The following RGPD3 variants were observed in gnomAD, a reference collection of about 807,000 sequenced individuals.
RGPD3 encodes the protein RANBP2 like and GRIP domain containing 3, also known as ranBP2-like and GRIP domain-containing protein 3.
Under a neutral mutation model 154.5 loss-of-function variants are expected in RGPD3, and 62 were observed. That is an observed-to-expected ratio of 0.40 (90% CI 0.33 to 0.50). RGPD3 has a LOEUF of 0.50. Among genes scored for constraint, RGPD3 ranks in the 20% least tolerant of loss-of-function variants. The pLI, the probability that RGPD3 is intolerant of heterozygous loss-of-function variation, is 0.59. For missense variants in RGPD3, 919 were observed against 1,716.8 expected, an observed-to-expected ratio of 0.54 and a Z score of 8.21; for synonymous variants, 308 against 607.0, an observed-to-expected ratio of 0.51 and a Z score of 7.24.
At chr2:106,409,871 CTTT>C (rs57602292) in intron 22 of RGPD3, among the ~76,000 whole-genome samples, 11 of 94,440 alleles carry the variant, frequency 1.2e-4, no homozygotes, top group South Asian at 3.9e-4. Flanking sequence ...TTGTAGTTTA[CTTT>C]TTTTTTTTTT....
chr2:106,453,010 ACTATGT>A (rs780102781), intron 4 of RGPD3, 84 bp from the exon 5 acceptor site: 6,244 of 142,198 alleles, frequency 0.044, no homozygotes, highest in Non-Finnish European at 0.056. Flanking sequence ...GCACCATTCC[ACTATGT>A]CTAGTTTTAT....
chr2:106,462,070 G>C (rs975440400), intron 1 of RGPD3, among the ~76,000 whole-genome samples: 1 of 152,070 alleles, frequency 6.6e-6, no homozygotes, highest in African/African-American at 2.4e-5. Flanking sequence ...TTTCAGTAGA[G>C]ATGGGGTTTC....
intron 18 of RGPD3, among the ~76,000 whole-genome samples, chr2:106,429,101 G>A (rs1316141739): frequency 6.6e-6 from 1 of 151,978 alleles, no homozygotes; most frequent in Non-Finnish European, 1.5e-5. Flanking sequence ...AATGCTCATA[G>A]TAATTATGTA....
chr2:106,440,351 T>C (rs1260414003), intron 8 of RGPD3, among the ~76,000 whole-genome samples: 2 of 149,992 alleles, frequency 1.3e-5, no homozygotes, highest in East Asian at 3.9e-4. Context: ...TTAGGTTTGG[T>C]TACCACTACA....
At chr2:106,469,350 G>C (rs1158631401), upstream of RGPD3, among the ~76,000 whole-genome samples, 1 of 151,304 alleles carries the variant, frequency 6.6e-6, no homozygotes, top group Non-Finnish European at 1.5e-5. Flanking sequence ...TTCTAAAAAA[G>C]TTGGAAACCA....
chr2:106,467,533 T>G lies in RGPD3; in HGVS notation c.72+684A>C, dbSNP rs62152542. On this transcript the variant is annotated intron_variant, in intron 1 of 22. Coordinates refer to ENST00000409886, the MANE Select transcript of RGPD3 (RefSeq NM_001144013.2). ...CATCGAGGCCGCCGCTGGGCCGGGT[T>G]GAGGCCGCCGCCTCAACAGAGCGTG... Among the ~76,000 whole-genome samples the G allele has an allele frequency of 1.5e-3, 9 of 5,946 alleles. 3 individuals carry two copies. The highest frequency in any genetic ancestry group is 1.3e-3 in the Non-Finnish European group (4 of 3,018). 3.9% of individuals were successfully genotyped at this position (5,946 alleles called of 152,430 possible).
intron 18 of RGPD3, among the ~76,000 whole-genome samples, chr2:106,426,840 A>C (rs1228389120): frequency 6.6e-6 from 1 of 152,170 alleles, no homozygotes; most frequent in Non-Finnish European, 1.5e-5. Context: ...GAGGTTCCAA[A>C]CAATTGCCTC....
At chr2:106,413,823 A>AT (rs1317131127) in intron 21 of RGPD3, among the ~76,000 whole-genome samples, 1 of 152,130 alleles carries the variant, frequency 6.6e-6, no homozygotes, top group Admixed American at 6.5e-5. Context: ...TATCATGGAA[A>AT]TGGAGTTGAA....
chr2:106,421,757 A>G (rs1676996520), intron 20 of RGPD3, among the ~76,000 whole-genome samples: 1 of 151,730 alleles, frequency 6.6e-6, no homozygotes, highest in Admixed American at 6.6e-5. Flanking sequence ...TGCCGTTGCC[A>G]CTACATGTGA....
rs576812338 is a variant in RGPD3, at chr2:106,468,341, G to C, written c.-53C>G. The C allele has an allele frequency of 1.3e-6, 2 of 1,564,124 alleles. No homozygotes were observed. Among genetic ancestry groups the C allele is most frequent in the Admixed American group, 3.8e-5 (2 of 52,458 alleles). ...CGTGAGACCAGCGCTCAGCCCCGCA[G>C]CAGTCGCCAATTCCAAGAGGAAAGC... On this transcript the variant is annotated 5_prime_UTR_variant, in exon 1 of 23. Coordinates refer to ENST00000409886, the MANE Select transcript of RGPD3 (RefSeq NM_001144013.2).
At chr2:106,433,658 TCTAA>T (rs1223640139) in intron 15 of RGPD3, among the ~76,000 whole-genome samples, 2 of 24,902 alleles carry the variant, frequency 8.0e-5, no homozygotes, top group African/African-American at 1.2e-4. Context: ...ACTGATGTTT[TCTAA>T]CTGATTTTCA....
chr2:106,424,170 C>T lies in RGPD3; in HGVS notation c.3797G>A (p.Ser1266Asn). The T allele has an allele frequency of 1.9e-6, 3 of 1,611,652 alleles. No individual in the cohort carries two copies. The highest frequency in any genetic ancestry group is 2.2e-5 in the South Asian group (2 of 90,948). ...EDALDDSVSSSSVHASPLASS... is the reference protein window; with the variant it reads ...EDALDDSVSSNSVHASPLASS... ...TGCCAATGGAGAAGCATGTACTGAG[C>T]TACTACTGACACTATCATCCAAAGC... is the stretch of plus-strand genomic sequence containing the variant. Residue 1266 changes from serine (S) to asparagine (N), a missense_variant, in exon 20 of 23, where the codon AGC (serine) becomes AAC (asparagine). By Grantham distance (46) the Ser-to-Asn change is conservative. Transcript: ENST00000409886.
chr2:106,442,108 G>T (rs1677766466), intron 7 of RGPD3, among the ~76,000 whole-genome samples: 1 of 104,260 alleles, frequency 9.6e-6, no homozygotes, highest in South Asian at 3.7e-4. Context: ...CTTAAATCCA[G>T]GAGGTCAAGG....
At chr2:106,468,152 C>T in intron 1 of RGPD3, 65 bp downstream of exon 1, 2 of 1,533,936 alleles carry the variant, frequency 1.3e-6, no homozygotes, top group South Asian at 2.4e-5. Flanking sequence ...GAGGCCGCCG[C>T]CGGGCCGGGT....
chr2:106,441,808 G>T (rs1299051477), intron 7 of RGPD3, among the ~76,000 whole-genome samples: 5 of 145,192 alleles, frequency 3.4e-5, no homozygotes, highest in African/African-American at 1.0e-4. Context: ...AGGTTGTAGT[G>T]CGCCGAGACT....
chr2:106,468,079 C>G lies in RGPD3; in HGVS notation c.72+138G>C, dbSNP rs547373414. On this transcript the variant is annotated intron_variant, in intron 1 of 22. Transcript: ENST00000409886. Reference sequence around the variant, plus strand: ...GGCCGCCGCAGGGCCAGGTCGAGGCCGCCGCCTCCACAGAGCGCGCCAGGG... The same window carrying G: ...GGCCGCCGCAGGGCCAGGTCGAGGCGGCCGCCTCCACAGAGCGCGCCAGGG... 12 of 1,131,084 alleles carry G rather than the reference C, an allele frequency of 1.1e-5. No homozygotes were observed. In the Admixed American group the frequency reaches 2.0e-4, roughly 19 times the overall value. 70.1% of individuals were successfully genotyped at this position (1,131,084 alleles called of 1,614,324 possible). A position where few individuals can be genotyped will look rare whatever the true frequency, so the allele number is the denominator to read the frequency against.
chr2:106,438,875 G>A (rs959438397), intron 9 of RGPD3, 93 bp downstream of exon 9: 1 of 134,578 alleles, frequency 7.4e-6, no homozygotes, highest in African/African-American at 4.0e-5. Context: ...AGGAATACAG[G>A]AAAATATTAA....
rs561169138 is a variant in RGPD3 at position 106,436,322 on chromosome 2, G to A, written c.1635-76C>T. On this transcript the variant is annotated intron_variant, in intron 11 of 22. Transcript: ENST00000409886. ...CGCTTACATACATATATGTTAATGGGTCACATGACAAATTAAATCTTCACA... is the reference window on the plus strand; with the variant it reads ...CGCTTACATACATATATGTTAATGGATCACATGACAAATTAAATCTTCACA... The A allele has an allele frequency of 2.2e-5, 36 of 1,610,538 alleles. No individual in the cohort carries two copies. The South Asian group carries it at 2.4e-4, about 11-fold the overall frequency.
intron 6 of RGPD3, among the ~76,000 whole-genome samples, chr2:106,451,080 T>A (rs1425315409): frequency 4.8e-5 from 3 of 62,952 alleles, no homozygotes; most frequent in African/African-American, 6.0e-5. Flanking sequence ...AGAGCAAGAC[T>A]CCCTCTCAAA....
Sources: allele counts gnomAD v4.1 joint callset (sites outside exome capture counted in the v4.1 genomes callset), GRCh38; gene constraint gnomAD v4.1.1; transcripts MANE v1.5; gene names NCBI Gene and HGNC (gene_info 2026-07-23, HGNC 2026-07-21).